FRMD3: variants seen among roughly 807,000 people sequenced by gnomAD.
The protein encoded by FRMD3 is FERM domain containing 3, also known as FERM domain-containing protein 3.
In FRMD3, 33 loss-of-function variants were observed where a neutral mutation model predicts 70.2. The ratio of observed to expected loss-of-function variants is 0.47; its 90% CI spans 0.36 to 0.63. The LOEUF is 0.63. FRMD3 is among the 20% of genes least tolerant of loss of function. The probability of loss-of-function intolerance (pLI) is 0.00; values close to 1 mark genes in which losing one functional copy is unlikely to be tolerated. For synonymous variants in FRMD3, 279 were observed against 255.9 expected (o/e 1.09, Z -0.86); for missense variants, 632 against 711.4 (o/e 0.89, Z 1.27).
chr9:83,290,202 G>A (rs1209269568), intron 13 of FRMD3, among the ~76,000 whole-genome samples: 1 of 152,174 alleles, frequency 6.6e-6, no homozygotes, highest in Non-Finnish European at 1.5e-5. Context: ...TGTCCAATAT[G>A]GCAGCCACCA....
In FRMD3 at chr9:83,265,175, C is replaced by T. The variant is rs12335762; in HGVS notation, c.1196-16659G>A. Among the ~76,000 whole-genome samples, 417 of 152,014 alleles carry T rather than the reference C, an allele frequency of 2.7e-3. 1 individual carries two copies. The highest frequency in any genetic ancestry group is 9.7e-3 in the African/African-American group (404 of 41,466). On this transcript the variant is annotated intron_variant, in intron 13 of 13. Coordinates refer to ENST00000304195, the MANE Select transcript of FRMD3 (RefSeq NM_174938.6). ...CAGTACTATAGGAGGCCAAGACGGGCGGATCACGAGGTCAGGAGATTGGGA... is the reference window on the plus strand; with the variant it reads ...CAGTACTATAGGAGGCCAAGACGGGTGGATCACGAGGTCAGGAGATTGGGA...
chr9:83,323,273 C>G (rs1490586523), intron 6 of FRMD3, among the ~76,000 whole-genome samples: 1 of 152,072 alleles, frequency 6.6e-6, no homozygotes, highest in Non-Finnish European at 1.5e-5. Context: ...GAAAACAACT[C>G]AAATGTCTAT....
intron 13 of FRMD3, among the ~76,000 whole-genome samples, chr9:83,282,145 A>G (rs1240904551): frequency 6.6e-6 from 1 of 152,176 alleles, no homozygotes; most frequent in Non-Finnish European, 1.5e-5. Flanking sequence ...CAACCATGTA[A>G]CATTGGGCAA....
intron 6 of FRMD3, among the ~76,000 whole-genome samples, chr9:83,324,486 A>C (rs1474470675): frequency 6.6e-6 from 1 of 152,192 alleles, no homozygotes. Flanking sequence ...ATACTCTGAA[A>C]ATGCTCTTTT....
intron 2 of FRMD3, among the ~76,000 whole-genome samples, chr9:83,377,052 C>T (rs73648542): frequency 0.047 from 7,214 of 152,168 alleles, 541 homozygotes; most frequent in African/African-American, 0.16. Context: ...TAACTACTTG[C>T]TTGGATCTAA....
At chr9:83,405,162 C>T (rs1204281225) in intron 1 of FRMD3, among the ~76,000 whole-genome samples, 1 of 152,162 alleles carries the variant, frequency 6.6e-6, no homozygotes, top group Non-Finnish European at 1.5e-5. Context: ...GTTTTAAGCA[C>T]AAGTGCATGG....
intron 1 of FRMD3, among the ~76,000 whole-genome samples, chr9:83,411,648 C>G (rs1454711391): frequency 1.3e-5 from 2 of 152,216 alleles, no homozygotes; most frequent in African/African-American, 4.8e-5. Context: ...GTGGGGGCTA[C>G]AAACCCGAGT....
chr9:83,584,565 ATCT>A, the FRMD3 span, among the ~76,000 whole-genome samples: 19 of 152,242 alleles, frequency 1.2e-4, no homozygotes, highest in South Asian at 1.0e-3. Context: ...TCAGCCACTC[ATCT>A]TCTTCCATAA....
At chr9:83,543,552 C>T in the FRMD3 span, among the ~76,000 whole-genome samples, 1 of 152,164 alleles carries the variant, frequency 6.6e-6, no homozygotes, top group South Asian at 2.1e-4. Context: ...CAGGGAATCT[C>T]AGTTCTTGTG....
At position 83,328,653 on chromosome 9, in the gene FRMD3, T is replaced by C. The variant is rs1431564474; in HGVS notation, c.596+6863A>G. Among the ~76,000 whole-genome samples the C allele has an allele frequency of 3.9e-5, 6 of 152,198 alleles. No individual in the cohort carries two copies. In the East Asian group the frequency reaches 1.2e-3, roughly 29 times the overall value. Reference sequence around the variant, plus strand: ...TAAAATCTTTCAAACCATGAGGTCATAGGGGAGTGTGGATGATGAAGGAGA... The same window carrying C: ...TAAAATCTTTCAAACCATGAGGTCACAGGGGAGTGTGGATGATGAAGGAGA... On this transcript the variant is annotated intron_variant, in intron 6 of 13. Transcript: ENST00000304195.
chr9:83,535,449 C>T (rs1829872242), intron 1 of FRMD3, among the ~76,000 whole-genome samples: 1 of 152,088 alleles, frequency 6.6e-6, no homozygotes, highest in Admixed American at 6.5e-5. Context: ...GCTCCATAGG[C>T]AGCACTCCTG....
At chr9:83,493,782 C>A (rs938630964) in intron 1 of FRMD3, among the ~76,000 whole-genome samples, 2 of 152,156 alleles carry the variant, frequency 1.3e-5, no homozygotes, top group Non-Finnish European at 2.9e-5. Flanking sequence ...GCAGCTCTTA[C>A]CCAGTCCTAT....
intron 12 of FRMD3, among the ~76,000 whole-genome samples, chr9:83,294,292 C>A (rs1486955494): frequency 6.6e-6 from 1 of 152,196 alleles, no homozygotes; most frequent in Non-Finnish European, 1.5e-5. Context: ...TCTTGGACTT[C>A]CCAGCTTCTA....
chr9:83,547,901 C>T, the FRMD3 span, among the ~76,000 whole-genome samples: 1 of 152,204 alleles, frequency 6.6e-6, no homozygotes, highest in African/African-American at 2.4e-5. Flanking sequence ...TCTCAGACTA[C>T]AGTGGAATAA....
chr9:83,488,018 A>G (rs7873385), intron 1 of FRMD3, among the ~76,000 whole-genome samples: 107,844 of 152,016 alleles, frequency 0.71, 38,932 homozygotes, highest in African/African-American at 0.84. Context: ...TTTGGGTTAC[A>G]GCTACAATAG....
At chr9:83,526,875 TTC>T (rs1034585871) in intron 1 of FRMD3, among the ~76,000 whole-genome samples, 2 of 148,744 alleles carry the variant, frequency 1.3e-5, no homozygotes, top group African/African-American at 2.5e-5. Flanking sequence ...TAGAATAAGC[TTC>T]TTTTTTTTTT....
intron 1 of FRMD3, among the ~76,000 whole-genome samples, chr9:83,461,471 C>T (rs904388721): frequency 3.3e-5 from 5 of 151,872 alleles, no homozygotes; most frequent in African/African-American, 1.2e-4. Context: ...ACCCAGGATG[C>T]CAGTCTTGAG....
chr9:83,292,604 C>G lies in FRMD3; in HGVS notation c.1071-1877G>C, dbSNP rs1834478604. On this transcript the variant is annotated intron_variant, in intron 12 of 13. Transcript: ENST00000304195. ...ATTCTAGTTCATTTTAAGTCCCAGT[C>G]TTGATCACTACTTTATTTCATAACT... 2.0e-5 allele frequency among the ~76,000 whole-genome samples: 3 copies of G among 152,160 alleles called. No homozygotes were observed. In the South Asian group the frequency reaches 6.2e-4, roughly 32 times the overall value.
At chr9:83,420,561 T>C (rs945058677) in intron 1 of FRMD3, among the ~76,000 whole-genome samples, 6 of 152,134 alleles carry the variant, frequency 3.9e-5, no homozygotes, top group African/African-American at 1.4e-4. Context: ...AGCTCTAAAA[T>C]GGTTGGCAGA....
Sources: gnomAD v4.1 joint callset for allele counts (sites outside exome capture counted in the v4.1 genomes callset) on GRCh38, gnomAD v4.1.1 for gene constraint, MANE v1.5 for transcripts, NCBI Gene and HGNC (gene_info 2026-07-23, HGNC 2026-07-21) for gene names.